The following FSTL4 variants were observed in gnomAD, a reference collection of about 807,000 sequenced individuals.
FSTL4 encodes the protein follistatin like 4, also known as follistatin-related protein 4.
In FSTL4, 28 loss-of-function variants were observed where a neutral mutation model predicts 78.2. That is an observed-to-expected ratio of 0.36 (90% CI 0.27 to 0.49). The LOEUF (loss-of-function observed/expected upper bound fraction) is 0.49. FSTL4 is among the 20% of genes least tolerant of loss of function. The probability of loss-of-function intolerance (pLI) is 0.98; values close to 1 mark genes in which losing one functional copy is unlikely to be tolerated. For synonymous variants in FSTL4, 422 were observed against 440.5 expected, an observed-to-expected ratio of 0.96 and a Z score of 0.53; for missense variants, 922 against 1,084.9, an observed-to-expected ratio of 0.85 and a Z score of 2.11.
At chr5:133,282,966 G>T (rs2126860704) in intron 6 of FSTL4, among the ~76,000 whole-genome samples, 1 of 152,276 alleles carries the variant, frequency 6.6e-6, no homozygotes, top group South Asian at 2.1e-4. Context: ...ATTAACACTT[G>T]TTAAGTTCTG....
the FSTL4 span, among the ~76,000 whole-genome samples, chr5:133,630,771 T>C: frequency 2.3e-4 from 35 of 152,174 alleles, no homozygotes; most frequent in Non-Finnish European, 3.8e-4. Context: ...CAAAACAGCA[T>C]TGTACTGGTA....
At chr5:133,569,459 A>G (rs1486249680) in intron 2 of FSTL4, among the ~76,000 whole-genome samples, 1 of 152,222 alleles carries the variant, frequency 6.6e-6, no homozygotes, top group Non-Finnish European at 1.5e-5. Context: ...AAATAAATGT[A>G]TGTGCTAGTT....
the FSTL4 span, among the ~76,000 whole-genome samples, chr5:133,684,181 T>C: frequency 3.3e-5 from 5 of 152,196 alleles, no homozygotes; most frequent in Non-Finnish European, 4.4e-5. Flanking sequence ...TTGTTTTCAG[T>C]TAGATGTCAA....
rs368151957 is a variant in FSTL4 at position 133,451,408 on chromosome 5, A to G, written c.161-50422T>C. 2.6e-5 allele frequency among the ~76,000 whole-genome samples: 4 copies of G among 152,130 alleles called. No individual in the cohort carries two copies. In the South Asian group the frequency reaches 8.3e-4, roughly 32 times the overall value. On this transcript the variant is annotated intron_variant, in intron 3 of 15. Coordinates refer to ENST00000265342, the MANE Select transcript of FSTL4 (RefSeq NM_015082.2). ...AAACTCTGTCTCTACTAAAAAAAAA[A>G]AAATTAGCTGGGCATGGTGGCAGGC...
the FSTL4 span, among the ~76,000 whole-genome samples, chr5:133,628,537 T>C: frequency 6.6e-6 from 1 of 151,998 alleles, no homozygotes; most frequent in Admixed American, 6.6e-5. Context: ...TTTTGTATTT[T>C]TTAGTAGAGA....
the FSTL4 span, among the ~76,000 whole-genome samples, chr5:133,743,831 G>T: frequency 8.5e-5 from 13 of 152,188 alleles, no homozygotes; most frequent in Non-Finnish European, 1.5e-4. Context: ...ATACCCCAAA[G>T]ATGGAGCTTA....
At chr5:133,311,923 C>T (rs1753794455) in intron 6 of FSTL4, among the ~76,000 whole-genome samples, 1 of 152,200 alleles carries the variant, frequency 6.6e-6, no homozygotes, top group Non-Finnish European at 1.5e-5. Flanking sequence ...ACTGCCCTTT[C>T]CTCTCCTCTC....
intron 3 of FSTL4, among the ~76,000 whole-genome samples, chr5:133,447,983 C>A (rs1169618010): frequency 6.6e-6 from 1 of 151,880 alleles, no homozygotes; most frequent in Non-Finnish European, 1.5e-5. Flanking sequence ...ATTTCAGGTA[C>A]CTTCAAGGAG....
intron 4 of FSTL4, among the ~76,000 whole-genome samples, chr5:133,351,904 G>A (rs1227484455): frequency 6.6e-6 from 1 of 151,840 alleles, no homozygotes; most frequent in Non-Finnish European, 1.5e-5. Context: ...CACTGCACCT[G>A]GCCTTATATT....
rs1043007396 is a variant in FSTL4 at position 133,198,805 on chromosome 5, G to A, written c.*290C>T. 2 of 273,968 alleles carry A rather than the reference G, an allele frequency of 7.3e-6. No individual in the cohort carries two copies. The highest frequency in any genetic ancestry group is 4.4e-5 in the African/African-American group (2 of 45,846). 17.0% of individuals were successfully genotyped at this position (273,968 alleles called of 1,614,324 possible). On this transcript the variant is annotated 3_prime_UTR_variant, in exon 16 of 16. Transcript: ENST00000265342. ...GGAGAGCAGGATCCCTTGGTTCCAT[G>A]ATGTCCCCAGGTCACTCGGTGTGCA...
At chr5:133,331,064 C>T (rs1754333961) in intron 4 of FSTL4, among the ~76,000 whole-genome samples, 1 of 152,180 alleles carries the variant, frequency 6.6e-6, no homozygotes, top group Admixed American at 6.5e-5. Context: ...CAGCCCACAG[C>T]AGCCCCAGAG....
rs776682386 is a variant in FSTL4, at chr5:133,199,628, C to T, written c.1996G>A (p.Ala666Thr). ...FFIQCRQDSP[A>T]SAARQLLVDS... ...ACGAGCAGCTGTCGGGCAGCAGAGG[C>T]GGGGCTGTCCTGTCGGCACTGGATG... The change falls in exon 16 of 16, where the codon GCC becomes ACC. Residue 666 changes from alanine to threonine, a missense_variant. By Grantham distance (58) the Ala-to-Thr change is moderately conservative. Transcript: ENST00000265342. This position sits in a 1 kb window ranked among gnomAD's most constrained non-coding sequence, Gnocchi z 4.4. 1.7e-5 allele frequency: 27 copies of T among 1,614,030 alleles called. No individual in the cohort carries two copies. The highest frequency in any genetic ancestry group is 6.6e-5 in the South Asian group (6 of 91,086).
chr5:133,384,518 G>A (rs1755653421), intron 4 of FSTL4, among the ~76,000 whole-genome samples: 1 of 152,232 alleles, frequency 6.6e-6, no homozygotes, highest in African/African-American at 2.4e-5. Context: ...CCATCCTGGG[G>A]TGGGCAGGTG....
intron 6 of FSTL4, among the ~76,000 whole-genome samples, chr5:133,286,559 G>A (rs6421903): frequency 0.82 from 124,285 of 152,098 alleles, 51,092 homozygotes; most frequent in African/African-American, 0.91. Flanking sequence ...GGCTTAAAAA[G>A]TCAACTCATG....
chr5:133,330,998 G>T (rs1648686943), intron 4 of FSTL4, among the ~76,000 whole-genome samples: 1 of 152,218 alleles, frequency 6.6e-6, no homozygotes, highest in Admixed American at 6.5e-5. Context: ...AAACAGGGGG[G>T]CAGGGGATTC....
intron 3 of FSTL4, among the ~76,000 whole-genome samples, chr5:133,562,288 A>C (rs781397874): frequency 3.3e-5 from 5 of 152,190 alleles, no homozygotes; most frequent in Admixed American, 2.0e-4. Context: ...TAGGCAGGGA[A>C]CTGAGAGATC....
chr5:133,218,032 T>C (rs2126783117), intron 12 of FSTL4, among the ~76,000 whole-genome samples: 1 of 152,286 alleles, frequency 6.6e-6, no homozygotes, highest in Middle Eastern at 3.4e-3. Flanking sequence ...ATTCATACCT[T>C]TAGCCCAGGC....
chr5:133,364,455 G>A (rs1344063059), intron 4 of FSTL4, among the ~76,000 whole-genome samples: 1 of 152,192 alleles, frequency 6.6e-6, no homozygotes, highest in Non-Finnish European at 1.5e-5. Context: ...CATGCCAGGG[G>A]CCTCTTACAC....
chr5:133,708,435 T>C, the FSTL4 span, among the ~76,000 whole-genome samples: 1 of 152,136 alleles, frequency 6.6e-6, no homozygotes, highest in Non-Finnish European at 1.5e-5. Context: ...TGACCTTCAC[T>C]ATGTGACCTG....
Sources: allele counts gnomAD v4.1 joint callset (sites outside exome capture counted in the v4.1 genomes callset), GRCh38; gene constraint gnomAD v4.1.1; non-coding constraint Gnocchi (gnomAD v3.1); transcripts MANE v1.5; gene names NCBI Gene and HGNC (gene_info 2026-07-23, HGNC 2026-07-21).